The following ARSG variants were observed in gnomAD, a reference collection of about 807,000 sequenced individuals.
ARSG encodes the protein ASG.
A neutral mutation model predicts 50.5 loss-of-function variants in ARSG; 37 were observed. That is an observed-to-expected ratio of 0.73 (90% CI 0.56 to 0.96). ARSG has a LOEUF of 0.96. ARSG is among the 50% of genes least tolerant of loss of function. The pLI is 0.00. For synonymous variants in ARSG, 225 were observed against 254.6 expected (o/e 0.88, Z 1.11); for missense variants, 629 against 675.3 (o/e 0.93, Z 0.76).
chr17:68,273,754 G>A, intron 1 of ARSG: 1 of 620,220 alleles, frequency 1.6e-6, no homozygotes, highest in Admixed American at 3.0e-5. Flanking sequence ...CAGATTCCCA[G>A]GTCCCCTGAA....
At chr17:68,340,801 C>T (rs182214667) in intron 2 of ARSG, among the ~76,000 whole-genome samples, 99 of 152,146 alleles carry the variant, frequency 6.5e-4, no homozygotes, top group Non-Finnish European at 6.3e-4. Context: ...GGTGTAGTAT[C>T]CTCATTGCCA....
At chr17:68,421,266 T>C (rs3744303), downstream of ARSG, 4,881 of 157,232 alleles carry the variant, frequency 0.031, 207 homozygotes, top group South Asian at 0.18. Flanking sequence ...AAAAAATATA[T>C]AAAAACCTCA....
chr17:68,384,399 G>A (rs76456330), intron 8 of ARSG, among the ~76,000 whole-genome samples: 5,665 of 152,198 alleles, frequency 0.037, 196 homozygotes, highest in African/African-American at 0.089. Flanking sequence ...TAATAACCAA[G>A]GTGGAAATTC....
intron 9 of ARSG, among the ~76,000 whole-genome samples, chr17:68,388,876 G>A (rs373658275): frequency 7.0e-6 from 1 of 143,776 alleles, no homozygotes; most frequent in Admixed American, 7.2e-5. Context: ...TGTGAGCCGA[G>A]ATCGCACCAC....
chr17:68,344,006 G>T (rs2078393205), intron 3 of ARSG, among the ~76,000 whole-genome samples: 1 of 152,174 alleles, frequency 6.6e-6, no homozygotes, highest in African/African-American at 2.4e-5. Context: ...TGTGGTAACT[G>T]GTTGCTTTCA....
intron 6 of ARSG, among the ~76,000 whole-genome samples, chr17:68,362,650 C>T (rs1240217543): frequency 6.6e-6 from 1 of 152,200 alleles, no homozygotes; most frequent in Non-Finnish European, 1.5e-5. Context: ...AGAGTTTGGA[C>T]TATTTGCATT....
At chr17:68,329,847 A>G (rs918180935) in intron 2 of ARSG, among the ~76,000 whole-genome samples, 1 of 152,164 alleles carries the variant, frequency 6.6e-6, no homozygotes. Context: ...GTTTTAAGAA[A>G]GTTTATGAAT....
chr17:68,329,556 G>T (rs896516521), intron 2 of ARSG, among the ~76,000 whole-genome samples: 2 of 152,174 alleles, frequency 1.3e-5, no homozygotes, highest in Admixed American at 6.5e-5. Context: ...GCTGAGATGA[G>T]CACAGTCTAA....
chr17:68,331,673 G>A (rs1322521209), intron 2 of ARSG, among the ~76,000 whole-genome samples: 1 of 152,158 alleles, frequency 6.6e-6, no homozygotes, highest in African/African-American at 2.4e-5. Flanking sequence ...GACTATTGGG[G>A]GAAACTCAGC....
At chr17:68,401,552 T>C (rs2081473944) in intron 11 of ARSG, 102 bp downstream of exon 11, 1 of 1,029,030 alleles carries the variant, frequency 9.7e-7, no homozygotes, top group Non-Finnish European at 1.4e-6. Context: ...AGTCCCTCCT[T>C]TGTGGGGGGT....
chr17:68,339,717 G>T (rs988089191), intron 2 of ARSG, among the ~76,000 whole-genome samples: 1 of 152,192 alleles, frequency 6.6e-6, no homozygotes, highest in African/African-American at 2.4e-5. Context: ...AGATCTAGAG[G>T]TTTGATTAGA....
chr17:68,450,733 G>T, the ARSG span: 2 of 1,607,026 alleles, frequency 1.2e-6, no homozygotes, highest in South Asian at 1.1e-5. Context: ...CTTACTTGCC[G>T]GTTCAGCCTT....
At chr17:68,355,619 T>G (rs2078995746) in intron 5 of ARSG, among the ~76,000 whole-genome samples, 1 of 152,260 alleles carries the variant, frequency 6.6e-6, no homozygotes, top group South Asian at 2.1e-4. Context: ...CCTCCCAAAG[T>G]TCTGGGATTA....
chr17:68,434,379 C>CA, the ARSG span, among the ~76,000 whole-genome samples: 1 of 152,212 alleles, frequency 6.6e-6, no homozygotes, highest in Non-Finnish European at 1.5e-5. Flanking sequence ...TCTCGGCTTT[C>CA]AGTTTTGCTG....
intron 1 of ARSG, chr17:68,270,880 AAGATGT>A (rs2075317793): frequency 1.2e-6 from 2 of 1,614,162 alleles, no homozygotes; most frequent in Non-Finnish European, 8.5e-7. Flanking sequence ...GCTCTGAATG[AAGATGT>A]AGACCCCAGC....
At chr17:68,450,615 T>C in the ARSG span, 1 of 1,379,012 alleles carries the variant, frequency 7.3e-7, no homozygotes, top group Non-Finnish European at 9.9e-7. Flanking sequence ...GTGTTAACAT[T>C]CTCATTAGAA....
At chr17:68,302,387 C>T (rs2076453931) in intron 1 of ARSG, among the ~76,000 whole-genome samples, 1 of 152,130 alleles carries the variant, frequency 6.6e-6, no homozygotes, top group African/African-American at 2.4e-5. Context: ...GTCTGCCCGA[C>T]CTTCTTGTTA....
chr17:68,382,447 T>C (rs1416377095), intron 8 of ARSG, among the ~76,000 whole-genome samples: 3 of 152,164 alleles, frequency 2.0e-5, no homozygotes, highest in Non-Finnish European at 4.4e-5. Context: ...AAATACGAGA[T>C]GTTATTGTTG....
At chr17:68,308,337 G>C (rs1555765221) in intron 2 of ARSG, among the ~76,000 whole-genome samples, 2 of 152,138 alleles carry the variant, frequency 1.3e-5, no homozygotes, top group African/African-American at 4.8e-5. Context: ...CTGATGTTCA[G>C]ATGTGTTCGG....
Sources: gnomAD v4.1 joint callset for allele counts (sites outside exome capture counted in the v4.1 genomes callset) on GRCh38, gnomAD v4.1.1 for gene constraint, MANE v1.5 for transcripts, NCBI Gene and HGNC (gene_info 2026-07-23, HGNC 2026-07-21) for gene names.